The following GREM1 variants were observed in gnomAD, a reference collection of about 807,000 sequenced individuals.
GREM1 encodes gremlin 1, DAN family BMP antagonist.
GREM1 carries 6 observed loss-of-function variants against 13.1 expected under a neutral mutation model. The observed-to-expected ratio is 0.46, with a 90% CI of 0.25 to 0.91. The LOEUF (loss-of-function observed/expected upper bound fraction) is 0.91. Among genes scored for constraint, GREM1 ranks in the 40% least tolerant of loss-of-function variants. The probability of loss-of-function intolerance (pLI) is 0.18; values close to 1 mark genes in which losing one functional copy is unlikely to be tolerated. For missense variants in GREM1, 185 were observed against 233.9 expected (o/e 0.79, Z 1.36); for synonymous variants, 98 against 93.7 (o/e 1.05, Z -0.27).
At position 32,732,158 on chromosome 15, in the gene GREM1, T is replaced by C. The variant is rs967098001; in HGVS notation, c.*913T>C. 9 of 243,354 alleles carry C rather than the reference T, an allele frequency of 3.7e-5. No homozygotes were observed. Among genetic ancestry groups the C allele is most frequent in the Non-Finnish European group, 6.9e-5 (8 of 115,248 alleles). The allele number at this position is 243,354 out of a possible 1,614,324, so 15.1% of individuals were successfully genotyped here. A position where few individuals can be genotyped will look rare whatever the true frequency, so the allele number is the denominator to read the frequency against. Reference sequence around the variant, plus strand: ...CTCCTATGTTCGGACCCAAGCAAGTTAGCTAAACCAAACCAACTCCTCTGC... The same window carrying C: ...CTCCTATGTTCGGACCCAAGCAAGTCAGCTAAACCAAACCAACTCCTCTGC... On this transcript the variant is annotated 3_prime_UTR_variant, in exon 2 of 2. Transcript: ENST00000651154.
rs2055704846 is a variant in GREM1 at position 32,736,991 on chromosome 15, A to T, written c.*5746A>T. 1 of 152,188 alleles carries T rather than the reference A, an allele frequency of 6.6e-6. No individual in the cohort carries two copies. Among genetic ancestry groups the T allele is most frequent in the South Asian group, 2.1e-4 (1 of 4,832 alleles). 9.4% of individuals were successfully genotyped at this position (152,188 alleles called of 1,614,324 possible). The stretch of plus-strand genomic sequence containing the variant: ...TGTAACATCATCAGTCTCAGCATCT[A>T]AACCAAATTTTGGTGACATTTCATC... On this transcript the variant is annotated 3_prime_UTR_variant, in exon 2 of 2. Transcript: ENST00000651154.
At chr15:32,718,929 T>G (rs1432358015) in intron 1 of GREM1, 4 of 182,728 alleles carry the variant, frequency 2.2e-5, no homozygotes, top group Non-Finnish European at 1.1e-5. Flanking sequence ...ACGCCCGGGC[T>G]GAATGGTAGA....
Position 32,734,288 on chromosome 15 carries a change from G to A in GREM1, c.*3043G>A, listed in dbSNP as rs1472588548. ...AGACTTACGATGCATGTATACAAACGAATAGCAGATAATGATGACTAGTTC... is the reference window on the plus strand; with the variant it reads ...AGACTTACGATGCATGTATACAAACAAATAGCAGATAATGATGACTAGTTC... On this transcript the variant is annotated 3_prime_UTR_variant, in exon 2 of 2. Coordinates refer to ENST00000651154, the MANE Select transcript of GREM1 (RefSeq NM_013372.7). 3.7e-5 allele frequency: 9 copies of A among 244,690 alleles called. No individual in the cohort carries two copies. The highest frequency in any genetic ancestry group is 8.8e-5 in the African/African-American group (4 of 45,262). 15.2% of individuals were successfully genotyped at this position (244,690 alleles called of 1,614,324 possible). A position where few individuals can be genotyped will look rare whatever the true frequency, so the allele number is the denominator to read the frequency against.
At position 32,730,655 on chromosome 15, in the gene GREM1, T is replaced by TTG. The variant is rs764243456; in HGVS notation, c.-1-31_-1-30dup. On this transcript the variant is annotated intron_variant, in intron 1 of 1. Coordinates refer to ENST00000651154, the MANE Select transcript of GREM1 (RefSeq NM_013372.7). ...ATTTTTAAATTAACTTTGCCATGTT[T>TTG]TGTGTCTTCCCCTCTCTGTGCTTCC... 5 of 1,441,814 alleles carry TTG rather than the reference T, an allele frequency of 3.5e-6. No individual in the cohort carries two copies. The Admixed American group carries it at 9.2e-5, about 26-fold the overall frequency. The allele number at this position is 1,441,814 out of a possible 1,614,324, so 89.3% of individuals were successfully genotyped here.
In GREM1 at chr15:32,741,010, C is replaced by T. The variant is rs1030886816; in HGVS notation, c.*9765C>T. On this transcript the variant is annotated 3_prime_UTR_variant, in exon 2 of 2. Transcript: ENST00000651154. ...TGGTGATAAGAAGACTGGATGGCAC[C>T]ACATGGGATAGGGGGAAAGTAGTTG... 3 of 151,836 alleles carry T rather than the reference C, an allele frequency of 2.0e-5. No homozygotes were observed. The highest frequency in any genetic ancestry group is 7.3e-5 in the African/African-American group (3 of 41,322). 9.4% of individuals were successfully genotyped at this position (151,836 alleles called of 1,614,324 possible).
At chr15:32,730,534 T>C (rs566475109) in intron 1 of GREM1, among the ~76,000 whole-genome samples, 156 bp from the exon 2 acceptor site, 74 of 152,330 alleles carry the variant, frequency 4.9e-4, no homozygotes, top group African/African-American at 1.8e-3. Flanking sequence ...ATGGAGATAA[T>C]AGTACCTAAT....
chr15:32,732,803 T>C lies in GREM1; in HGVS notation c.*1558T>C. On this transcript the variant is annotated 3_prime_UTR_variant, in exon 2 of 2. Transcript: ENST00000651154. ...CAAAGTGCAGGGTGGGTGAACTTTA[T>C]TGTACTTTGGATTTGGTTAACCTGT... 1 of 226,948 alleles carries C rather than the reference T, an allele frequency of 4.4e-6. No homozygotes were observed. The highest frequency in any genetic ancestry group is 2.3e-5 in the African/African-American group (1 of 44,336). The allele number at this position is 226,948 out of a possible 1,614,324, so 14.1% of individuals were successfully genotyped here. A position where few individuals can be genotyped will look rare whatever the true frequency, so the allele number is the denominator to read the frequency against.
chr15:32,724,397 G>C (rs970992000), intron 1 of GREM1, among the ~76,000 whole-genome samples: 2 of 152,230 alleles, frequency 1.3e-5, no homozygotes. Flanking sequence ...GAAGACTGGG[G>C]CATAGGCCTG....
At chr15:32,728,061 C>T (rs542391470) in intron 1 of GREM1, among the ~76,000 whole-genome samples, 9 of 152,106 alleles carry the variant, frequency 5.9e-5, no homozygotes, top group African/African-American at 1.9e-4. Flanking sequence ...CCATACTGCC[C>T]AAAACAATTT....
intron 1 of GREM1, chr15:32,718,818 A>C (rs1458488357): frequency 3.3e-6 from 1 of 307,188 alleles, no homozygotes; most frequent in East Asian, 8.4e-5. Flanking sequence ...GGGTCCAGCG[A>C]ACCCGCAGTG....
rs987959761 is a variant in GREM1, at chr15:32,739,380, C to T, written c.*8135C>T. The stretch of plus-strand genomic sequence containing the variant: ...AGTTTCATCACTGAAGTGTGCATTC[C>T]TAAACTCAACACCTTAGTCTGGTTG... On this transcript the variant is annotated 3_prime_UTR_variant, in exon 2 of 2. Coordinates refer to ENST00000651154, the MANE Select transcript of GREM1 (RefSeq NM_013372.7). 2.0e-5 allele frequency: 3 copies of T among 152,186 alleles called. No homozygotes were observed. The highest frequency in any genetic ancestry group is 4.4e-5 in the Non-Finnish European group (3 of 68,034). The allele number at this position is 152,186 out of a possible 1,614,324, so 9.4% of individuals were successfully genotyped here.
At position 32,738,664 on chromosome 15, in the gene GREM1, C is replaced by T. The variant is rs1051389449; in HGVS notation, c.*7419C>T. ...TAAAAAGTTGGAGAACTCACACTTC[C>T]TGGTTTCATAACATACACCAGGCTG... On this transcript the variant is annotated 3_prime_UTR_variant, in exon 2 of 2. Coordinates refer to ENST00000651154, the MANE Select transcript of GREM1 (RefSeq NM_013372.7). The T allele has an allele frequency of 1.3e-5, 2 of 152,154 alleles. No homozygotes were observed. The highest frequency in any genetic ancestry group is 4.8e-5 in the African/African-American group (2 of 41,428). The allele number at this position is 152,154 out of a possible 1,614,324, so 9.4% of individuals were successfully genotyped here. A position where few individuals can be genotyped will look rare whatever the true frequency, so the allele number is the denominator to read the frequency against.
At chr15:32,719,519 C>T (rs1332611134) in intron 1 of GREM1, among the ~76,000 whole-genome samples, 2 of 148,270 alleles carry the variant, frequency 1.3e-5, no homozygotes, top group East Asian at 2.2e-4. Context: ...GAAATACAGC[C>T]TCAGCGTTAG....
intron 1 of GREM1, among the ~76,000 whole-genome samples, chr15:32,720,344 G>A (rs1396287356): frequency 2.0e-5 from 3 of 152,130 alleles, no homozygotes; most frequent in Non-Finnish European, 2.9e-5. Flanking sequence ...AAACTAAGCC[G>A]AAGATGCCTT....
chr15:32,725,764 T>A (rs896247442), intron 1 of GREM1, among the ~76,000 whole-genome samples: 6 of 152,226 alleles, frequency 3.9e-5, no homozygotes, highest in Admixed American at 3.3e-4. Flanking sequence ...ATTTTTATGG[T>A]TTTAGGTCTT....
rs1440914777 is a variant in GREM1 at position 32,740,390 on chromosome 15, GAGAT to G, written c.*9149_*9152del. 1.8e-4 allele frequency: 28 copies of G among 152,284 alleles called. No individual in the cohort carries two copies. Among genetic ancestry groups the G allele is most frequent in the Admixed American group, 1.8e-3 (27 of 15,296 alleles). The allele number at this position is 152,284 out of a possible 1,614,324, so 9.4% of individuals were successfully genotyped here. Reference sequence around the variant, plus strand: ...GAAAAAAGTTAAGAATTTTGACAAAGAGATAGAGTATATTTAAAAGTACCAAAAA... The same window carrying G: ...GAAAAAAGTTAAGAATTTTGACAAAGAGAGTATATTTAAAAGTACCAAAAA... On this transcript the variant is annotated 3_prime_UTR_variant, in exon 2 of 2. Transcript: ENST00000651154.
At chr15:32,718,902 T>C (rs1409711582) in intron 1 of GREM1, 2 of 193,956 alleles carry the variant, frequency 1.0e-5, no homozygotes, top group Admixed American at 1.1e-4. Context: ...TACTCCAGCC[T>C]CTTCCCCGCC....
chr15:32,725,714 G>A (rs2055490419), intron 1 of GREM1, among the ~76,000 whole-genome samples: 1 of 152,166 alleles, frequency 6.6e-6, no homozygotes, highest in Non-Finnish European at 1.5e-5. Context: ...CTTTGCCCAT[G>A]CCTATGTCCT....
Position 32,742,266 on chromosome 15 carries a change from A to T in GREM1, c.*11021A>T, listed in dbSNP as rs769678500. 6.6e-6 allele frequency: 1 copy of T among 152,114 alleles called. No homozygotes were observed. Among genetic ancestry groups the T allele is most frequent in the Non-Finnish European group, 1.5e-5 (1 of 67,990 alleles). The allele number at this position is 152,114 out of a possible 1,614,324, so 9.4% of individuals were successfully genotyped here. ...GAATAATTGGCATTAGTTTTGTTAAATGTTTGGTTGAATTCACTAGTGAAA... is the reference window on the plus strand; with the variant it reads ...GAATAATTGGCATTAGTTTTGTTAATTGTTTGGTTGAATTCACTAGTGAAA... On this transcript the variant is annotated 3_prime_UTR_variant, in exon 2 of 2. Coordinates refer to ENST00000651154, the MANE Select transcript of GREM1 (RefSeq NM_013372.7).
Sources: gnomAD v4.1 joint callset for allele counts (sites outside exome capture counted in the v4.1 genomes callset) on GRCh38, gnomAD v4.1.1 for gene constraint, MANE v1.5 for transcripts, NCBI Gene and HGNC (gene_info 2026-07-23, HGNC 2026-07-21) for gene names.